WDR31: variants seen among roughly 807,000 people sequenced by gnomAD.
WDR31 encodes the protein WD repeat-containing protein 31.
In WDR31, 30 loss-of-function variants were observed where a neutral mutation model predicts 47.3. That is an observed-to-expected ratio of 0.63 (90% CI 0.47 to 0.86). The LOEUF is 0.86. WDR31 is among the 40% of genes least tolerant of loss of function. The probability of loss-of-function intolerance (pLI) is 0.00; values close to 1 mark genes in which losing one functional copy is unlikely to be tolerated. For missense variants in WDR31, 406 were observed against 442.9 expected (o/e 0.92, Z 0.75); for synonymous variants, 137 against 159.4 (o/e 0.86, Z 1.06).
At chr9:113,334,661 T>C (rs893328597) in intron 2 of WDR31, among the ~76,000 whole-genome samples, 13 of 144,106 alleles carry the variant, frequency 9.0e-5, no homozygotes, top group African/African-American at 3.3e-4. Context: ...TGTCTCAGCC[T>C]CCAGAGTAGC....
At chr9:113,324,930 G>A (rs1478239906) in intron 5 of WDR31, among the ~76,000 whole-genome samples, 1 of 148,416 alleles carries the variant, frequency 6.7e-6, no homozygotes, top group Admixed American at 6.8e-5. Flanking sequence ...AAGCTGTTTT[G>A]CATTAGATAT....
chr9:113,330,275 A>G (rs1833568330), intron 4 of WDR31, among the ~76,000 whole-genome samples: 2 of 151,948 alleles, frequency 1.3e-5, no homozygotes, highest in African/African-American at 4.8e-5. Context: ...TAATTTTTGT[A>G]TTTTTAGTAG....
intron 5 of WDR31, among the ~76,000 whole-genome samples, chr9:113,324,850 G>GTA (rs1479709233): frequency 6.6e-6 from 1 of 151,476 alleles, no homozygotes; most frequent in Admixed American, 6.6e-5. Flanking sequence ...GTGTGTGTGT[G>GTA]TGTGTGTGTG....
At chr9:113,321,606 CT>C in intron 7 of WDR31, 28 bp from the exon 8 acceptor site, 1 of 1,604,212 alleles carries the variant, frequency 6.2e-7, no homozygotes, top group Non-Finnish European at 8.5e-7. Context: ...TTCAGAACTT[CT>C]CCACACCAAG....
chr9:113,339,361 C>T (rs1833781464), intron 1 of WDR31, among the ~76,000 whole-genome samples: 1 of 152,174 alleles, frequency 6.6e-6, no homozygotes, highest in Non-Finnish European at 1.5e-5. Flanking sequence ...TTTCCCTGGT[C>T]CCGTTAATGC....
chr9:113,317,009 C>A (rs1833220831), intron 10 of WDR31, 100 bp from the exon 11 acceptor site: 2 of 1,376,328 alleles, frequency 1.5e-6, no homozygotes, highest in South Asian at 1.5e-5. Flanking sequence ...ATTTGCTGTA[C>A]ATATCTAACC....
At chr9:113,321,374 A>C in intron 8 of WDR31, 137 bp downstream of exon 8, 1 of 805,210 alleles carries the variant, frequency 1.2e-6, no homozygotes, top group Non-Finnish European at 2.0e-6. Flanking sequence ...AGGCCCCAGC[A>C]CCAGTGAAGG....
Position 113,314,233 on chromosome 9 carries a change from GAGAT to G in WDR31, c.*2512_*2515del, listed in dbSNP as rs1833140313. 1.5e-5 allele frequency: 2 copies of G among 136,254 alleles called. No individual in the cohort carries two copies. The highest frequency in any genetic ancestry group is 5.0e-4 in the South Asian group (2 of 4,000). 8.4% of individuals were successfully genotyped at this position (136,254 alleles called of 1,614,324 possible). A position where few individuals can be genotyped will look rare whatever the true frequency, so the allele number is the denominator to read the frequency against. On this transcript the variant is annotated 3_prime_UTR_variant, in exon 11 of 11. Transcript: ENST00000374193. ...ATTTTATTTTATTTTATTTTATTTT[GAGAT>G]AGAGTCTCTCTCTGTTGCCTAGGCT... is the stretch of plus-strand genomic sequence containing the variant.
chr9:113,325,239 G>A (rs912097113), intron 5 of WDR31, among the ~76,000 whole-genome samples: 14 of 152,148 alleles, frequency 9.2e-5, no homozygotes, highest in Non-Finnish European at 1.9e-4. Flanking sequence ...ACAGGCATGA[G>A]CCATCGTGCC....
chr9:113,318,755 ACCCCTTATCTT>A, intron 9 of WDR31, 118 bp from the exon 10 acceptor site: 6 of 1,036,100 alleles, frequency 5.8e-6, no homozygotes, highest in Non-Finnish European at 8.5e-6. Context: ...TCACGTAGCT[ACCCCTTATCTT>A]CATCCATCCA....
At chr9:113,320,191 T>A (rs1328024218) in intron 9 of WDR31, among the ~76,000 whole-genome samples, 166 bp downstream of exon 9, 1 of 152,212 alleles carries the variant, frequency 6.6e-6, no homozygotes, top group Non-Finnish European at 1.5e-5. Flanking sequence ...TATGAATGTT[T>A]CTTAAATGAA....
At position 113,316,566 on chromosome 9, in the gene WDR31, A is replaced by T. The variant is rs1244484310; in HGVS notation, c.*183T>A. ...TGTGTAGTCCATGTTTCTGGACTCT[A>T]TACCTGATTTTGAATCACTGGACTT... is the stretch of plus-strand genomic sequence containing the variant. On this transcript the variant is annotated 3_prime_UTR_variant, in exon 11 of 11. Coordinates refer to ENST00000374193, the MANE Select transcript of WDR31 (RefSeq NM_001012361.4). 2.9e-6 allele frequency: 2 copies of T among 687,018 alleles called. No homozygotes were observed. The highest frequency in any genetic ancestry group is 2.3e-6 in the Non-Finnish European group (1 of 427,460). The allele number at this position is 687,018 out of a possible 1,614,324, so 42.6% of individuals were successfully genotyped here. A position where few individuals can be genotyped will look rare whatever the true frequency, so the allele number is the denominator to read the frequency against.
At chr9:113,326,122 G>A (rs1368599629) in intron 5 of WDR31, among the ~76,000 whole-genome samples, 1 of 152,166 alleles carries the variant, frequency 6.6e-6, no homozygotes, top group Non-Finnish European at 1.5e-5. Flanking sequence ...TGTTGGTCAG[G>A]CTGGTCTTGA....
At position 113,316,696 on chromosome 9, in the gene WDR31, C is replaced by A; in HGVS notation, c.*53G>T. 1 of 1,570,886 alleles carries A rather than the reference C, an allele frequency of 6.4e-7. No homozygotes were observed. Among genetic ancestry groups the A allele is most frequent in the Admixed American group, 1.8e-5 (1 of 55,782 alleles). On this transcript the variant is annotated 3_prime_UTR_variant, in exon 11 of 11. Transcript: ENST00000374193. ...CAAGATAACTGGGAAAGACACAAAG[C>A]CATGCTGAGGAGGAGCCATGGTTTG...
intron 9 of WDR31, 107 bp downstream of exon 9, chr9:113,320,250 T>G: frequency 1.4e-6 from 2 of 1,427,094 alleles, no homozygotes; most frequent in Non-Finnish European, 1.9e-6. Context: ...GAAAGAGGCC[T>G]GAGCCATTAG....
Position 113,330,993 on chromosome 9 carries a change from C to T in WDR31, c.240G>A (p.Gly80=). 1.9e-6 allele frequency: 3 copies of T among 1,605,574 alleles called. No homozygotes were observed. Among genetic ancestry groups the T allele is most frequent in the Non-Finnish European group, 2.6e-6 (3 of 1,173,806 alleles). The change falls in exon 4 of 11, where the codon GGG becomes GGA. Residue 80 remains glycine, a synonymous_variant. Coordinates refer to ENST00000374193, the MANE Select transcript of WDR31 (RefSeq NM_001012361.4). ...ACACTGCAAACCCCACCTTATCTTTCCCTCCAGAGACACAAAGGTCTGAGT... is the reference window on the plus strand; with the variant it reads ...ACACTGCAAACCCCACCTTATCTTTTCCTCCAGAGACACAAAGGTCTGAGT... ...ALNSDLCVSG[G]KDKTVVAYNW...
At chr9:113,332,552 T>G (rs1833622769) in intron 2 of WDR31, among the ~76,000 whole-genome samples, 1 of 152,204 alleles carries the variant, frequency 6.6e-6, no homozygotes, top group Admixed American at 6.5e-5. Flanking sequence ...CATGAAAGGC[T>G]ACACAGTTCA....
chr9:113,322,683 T>G, intron 7 of WDR31, 128 bp downstream of exon 7: 1 of 817,296 alleles, frequency 1.2e-6, no homozygotes, highest in Non-Finnish European at 1.9e-6. Flanking sequence ...TCACAGCAGG[T>G]TAGGGGACAG....
At chr9:113,325,126 T>C (rs1392184918) in intron 5 of WDR31, among the ~76,000 whole-genome samples, 1 of 151,938 alleles carries the variant, frequency 6.6e-6, no homozygotes, top group Admixed American at 6.6e-5. Flanking sequence ...TTTTTTTTTT[T>C]TAATTTTTAG....
Sources: allele counts gnomAD v4.1 joint callset (sites outside exome capture counted in the v4.1 genomes callset), GRCh38; gene constraint gnomAD v4.1.1; transcripts MANE v1.5; gene names NCBI Gene and HGNC (gene_info 2026-07-23, HGNC 2026-07-21).